Variants in E2F8 observed in about 807,000 individuals in gnomAD.
E2F8 encodes the protein E2F transcription factor 8.
A neutral mutation model predicts 80.8 loss-of-function variants in E2F8; 35 were observed. That is an observed-to-expected ratio of 0.43 (90% CI 0.33 to 0.57). The LOEUF is 0.57. E2F8 is among the 20% of genes least tolerant of loss of function. The pLI, the probability that E2F8 is intolerant of heterozygous loss-of-function variation, is 0.04. For synonymous variants in E2F8, 386 were observed against 395.0 expected (o/e 0.98, Z 0.27); for missense variants, 975 against 1,056.2 (o/e 0.92, Z 1.07).
Position 19,224,635 on chromosome 11 carries a change from T to G in E2F8, c.*23A>C. ...TCTATTAAACAACTCTTTAGAAAAT[T>G]AAACTAAGCCAACATCTGTTGATTA... is the stretch of plus-strand genomic sequence containing the variant. On this transcript the variant is annotated 3_prime_UTR_variant, in exon 13 of 13. Coordinates refer to ENST00000250024, the MANE Select transcript of E2F8 (RefSeq NM_024680.4). 2 of 1,608,794 alleles carry G rather than the reference T, an allele frequency of 1.2e-6. No individual in the cohort carries two copies. Among genetic ancestry groups the G allele is most frequent in the Non-Finnish European group, 1.7e-6 (2 of 1,176,064 alleles).
intron 3 of E2F8, 32 bp from the exon 4 acceptor site, chr11:19,237,502 C>T (rs1851549549): frequency 6.2e-7 from 1 of 1,600,932 alleles, no homozygotes; most frequent in African/African-American, 1.3e-5. Flanking sequence ...ATGTCTTATT[C>T]TAAAATAAAG....
intron 4 of E2F8, among the ~76,000 whole-genome samples, chr11:19,236,042 C>A (rs946120523): frequency 6.6e-6 from 1 of 152,136 alleles, no homozygotes; most frequent in African/African-American, 2.4e-5. Flanking sequence ...GTTCAAGAAA[C>A]TTAATTTCAA....
rs143930262 is a variant in E2F8, at chr11:19,229,937, T to A, written c.1410A>T (p.Lys470Asn). The change falls in exon 10 of 13, where the codon AAA (lysine) becomes AAT (asparagine). Residue 470 changes from lysine (K) to asparagine (N), a missense_variant. Transcript: ENST00000250024. This position sits in a 1 kb window ranked among gnomAD's most constrained non-coding sequence, Gnocchi z 4.3. ...CTGGGGGGTCCAGAGGGGCTACTGGTTTGCAGGGTCCAGATCTTGCCAGCT... is the reference window on the plus strand; with the variant it reads ...CTGGGGGGTCCAGAGGGGCTACTGGATTGCAGGGTCCAGATCTTGCCAGCT... ...KVQLARSGPC[K>N]PVAPLDPPVN... The A allele has an allele frequency of 1.9e-6, 3 of 1,614,026 alleles. No homozygotes were observed. Among genetic ancestry groups the A allele is most frequent in the African/African-American group, 2.7e-5 (2 of 75,042 alleles).
chr11:19,234,694 G>A (rs1027342377), intron 5 of E2F8, 50 bp downstream of exon 5: 9 of 1,565,818 alleles, frequency 5.7e-6, no homozygotes, highest in Non-Finnish European at 7.8e-6. Context: ...CTTTTCCTTA[G>A]ACAGAGGACA....
At chr11:19,234,265 A>C in intron 6 of E2F8, 95 bp downstream of exon 6, 1 of 1,367,680 alleles carries the variant, frequency 7.3e-7, no homozygotes, top group Non-Finnish European at 1.0e-6. Flanking sequence ...AGATCTGTTT[A>C]TGCACCTATG....
At chr11:19,232,149 G>A (rs989497445) in intron 7 of E2F8, 85 bp downstream of exon 7, 15 of 1,547,760 alleles carry the variant, frequency 9.7e-6, no homozygotes, top group Non-Finnish European at 1.3e-5. Context: ...GACACAGGGA[G>A]GGGAACAACA....
chr11:19,239,616 T>C (rs1045308031), intron 2 of E2F8, among the ~76,000 whole-genome samples: 1 of 151,858 alleles, frequency 6.6e-6, no homozygotes, highest in African/African-American at 2.4e-5. Context: ...TCTCCAAACA[T>C]GTCAAATGCC....
chr11:19,240,592 C>G lies in E2F8; in HGVS notation c.-154G>C, dbSNP rs1851633861. The G allele has an allele frequency of 1.3e-5, 2 of 152,390 alleles. No homozygotes were observed. The highest frequency in any genetic ancestry group is 1.3e-4 in the Admixed American group (2 of 15,284). The allele number at this position is 152,390 out of a possible 1,614,324, so 9.4% of individuals were successfully genotyped here. ...CCGGACTAAGCGCACGAGCCCAGGT[C>G]CCAGCTGAGCGCACGCGACCCCAAG... is the stretch of plus-strand genomic sequence containing the variant. On this transcript the variant is annotated 5_prime_UTR_variant, in exon 1 of 13. Transcript: ENST00000250024.
At chr11:19,238,528 A>G (rs747563480) in intron 2 of E2F8, among the ~76,000 whole-genome samples, 3 of 152,248 alleles carry the variant, frequency 2.0e-5, no homozygotes, top group Non-Finnish European at 4.4e-5. Context: ...TAAATGATCA[A>G]ACTTCTAGAA....
At chr11:19,241,226 G>A (rs1048275248), upstream of E2F8, among the ~76,000 whole-genome samples, 1 of 152,172 alleles carries the variant, frequency 6.6e-6, no homozygotes. The surrounding 1 kb of genome is among the most constrained non-coding windows in gnomAD (Gnocchi z 4.5). Context: ...CGGAACCACG[G>A]CAACCCCGCC....
rs1479439912 is a variant in E2F8 at position 19,238,102 on chromosome 11, C to T, written c.46G>A (p.Gly16Arg). 2.5e-6 allele frequency: 4 copies of T among 1,612,866 alleles called. No homozygotes were observed. The highest frequency in any genetic ancestry group is 2.2e-5 in the East Asian group (1 of 44,854). ...ENLFCEPHKR[G>R]LMKTPLKEST... ...TCTTTCAGAGGTGTTTTCATTAGTC[C>T]CCTTTTATGTGGCTCACAAAAGAGA... Residue 16 changes from glycine to arginine, a missense_variant, in exon 3 of 13, where the codon GGA becomes AGA. Gly to Arg is a moderately radical substitution (Grantham distance 125). Transcript: ENST00000250024.
At chr11:19,241,267 G>A (rs1851658780), upstream of E2F8, 1 of 153,464 alleles carries the variant, frequency 6.5e-6, no homozygotes, top group Non-Finnish European at 1.5e-5. This position sits in a 1 kb window ranked among gnomAD's most constrained non-coding sequence, Gnocchi z 4.5. Context: ...GCCCCTCTGC[G>A]CGGGAGCTCA....
At chr11:19,239,459 C>T (rs1851604818) in intron 2 of E2F8, among the ~76,000 whole-genome samples, 1 of 152,116 alleles carries the variant, frequency 6.6e-6, no homozygotes, top group African/African-American at 2.4e-5. Flanking sequence ...TGTAAGTTCA[C>T]TTTTTTAAAC....
chr11:19,230,679 G>T lies in E2F8; in HGVS notation c.1222C>A (p.Arg408=). The change falls in exon 8 of 13, where the codon CGG becomes AGG. Residue 408 remains arginine (R), a synonymous_variant. Coordinates refer to ENST00000250024, the MANE Select transcript of E2F8 (RefSeq NM_024680.4). ...CTGGGCGCAGAATTTATCTTTCTCC[G>T]ATCACTTTCTATACTCTTTACCAAT... ...IKLVKSIESD[R]RKINSAPSSP... is the part of the protein sequence containing the mutation. 1.2e-6 allele frequency: 2 copies of T among 1,614,106 alleles called. No individual in the cohort carries two copies. Among genetic ancestry groups the T allele is most frequent in the Non-Finnish European group, 1.7e-6 (2 of 1,180,020 alleles).
rs1471834060 is a variant in E2F8, at chr11:19,235,573, C to T, written c.452-515G>A. On this transcript the variant is annotated intron_variant, in intron 4 of 12. Transcript: ENST00000250024. ...CTGAGGCAGGAGAATGGTGTGAACCCGGGAGGCGGAGCTTGCAGTGAGCCT... is the reference window on the plus strand; with the variant it reads ...CTGAGGCAGGAGAATGGTGTGAACCTGGGAGGCGGAGCTTGCAGTGAGCCT... Among the ~76,000 whole-genome samples the T allele has an allele frequency of 4.6e-5, 7 of 151,910 alleles. No homozygotes were observed. The East Asian group carries it at 5.8e-4, about 13-fold the overall frequency.
chr11:19,224,523 C>A lies in E2F8; in HGVS notation c.*135G>T. On this transcript the variant is annotated 3_prime_UTR_variant, in exon 13 of 13. Transcript: ENST00000250024. ...TATATATATATATGTATGAAAACAA[C>A]TATCTGATTTCACATTGAACAAATC... 8.6e-6 allele frequency: 6 copies of A among 700,792 alleles called. No homozygotes were observed. Among genetic ancestry groups the A allele is most frequent in the Admixed American group, 2.9e-5 (1 of 34,068 alleles). The allele number at this position is 700,792 out of a possible 1,614,324, so 43.4% of individuals were successfully genotyped here.
Position 19,240,216 on chromosome 11 carries a change from AAAAGTTTTAATATC to A in E2F8, c.-109_-96del. On this transcript the variant is annotated splice_region_variant and 5_prime_UTR_variant, in exon 2 of 13. An upstream open reading frame in the 5' UTR loses its in-frame stop. Transcript: ENST00000250024. ...TTCAAGTAGTCCAATCAATTGTACT[AAAAGTTTTAATATC>A]CTTAAAGAAAAAAGGAAATAGAAAA... 1 of 743,928 alleles carries A rather than the reference AAAAGTTTTAATATC, an allele frequency of 1.3e-6. No individual in the cohort carries two copies. The highest frequency in any genetic ancestry group is 2.1e-6 in the Non-Finnish European group (1 of 487,046). The allele number at this position is 743,928 out of a possible 1,614,324, so 46.1% of individuals were successfully genotyped here.
chr11:19,229,614 C>T lies in E2F8; in HGVS notation c.1733G>A (p.Arg578Lys). The T allele has an allele frequency of 6.2e-7, 1 of 1,614,158 alleles. No homozygotes were observed. The highest frequency in any genetic ancestry group is 1.3e-5 in the African/African-American group (1 of 75,036). The change falls in exon 10 of 13, where the codon AGG becomes AAG. Residue 578 changes from arginine (R) to lysine (K), a missense_variant. By Grantham distance (26) the Arg-to-Lys change is conservative (BLOSUM62 2). Coordinates refer to ENST00000250024, the MANE Select transcript of E2F8 (RefSeq NM_024680.4). The surrounding 1 kb of genome is among the most constrained non-coding windows in gnomAD (Gnocchi z 4.3). ...NDTSKASAST[R>K]PGSLLPAPER... ...TGGTGCTGGCAGCAAGCTTCCAGGC[C>T]TGGTAGAGGCACTGGCCTTTGAGGT... is the stretch of plus-strand genomic sequence containing the variant.
chr11:19,229,504 A>G lies in E2F8; in HGVS notation c.1843T>C (p.Ser615Pro), dbSNP rs529723766. The G allele has an allele frequency of 3.0e-5, 49 of 1,613,946 alleles. No homozygotes were observed. Among genetic ancestry groups the G allele is most frequent in the Non-Finnish European group, 3.9e-5 (46 of 1,179,998 alleles). The change falls in exon 10 of 13, where the codon TCC becomes CCC. Residue 615 changes from serine (S) to proline (P), a missense_variant. Physicochemically the swap from Ser to Pro is moderately conservative, Grantham distance 74 (BLOSUM62 -1). Coordinates refer to ENST00000250024, the MANE Select transcript of E2F8 (RefSeq NM_024680.4). The surrounding 1 kb of genome is among the most constrained non-coding windows in gnomAD (Gnocchi z 4.3). ...AGGTCCTCTTTAAATTTCTTTTTGGAACCACTGTCCTCGAGCATGCTTGCC... is the reference window on the plus strand; with the variant it reads ...AGGTCCTCTTTAAATTTCTTTTTGGGACCACTGTCCTCGAGCATGCTTGCC... ...KRASMLEDSG[S>P]KKKFKEDLKG...
Sources: allele counts gnomAD v4.1 joint callset (sites outside exome capture counted in the v4.1 genomes callset), GRCh38; gene constraint gnomAD v4.1.1; non-coding constraint Gnocchi (gnomAD v3.1); transcripts MANE v1.5; gene names NCBI Gene and HGNC (gene_info 2026-07-23, HGNC 2026-07-21).